TOP1: variants seen among roughly 807,000 people sequenced by gnomAD.
TOP1 encodes the protein DNA topoisomerase I, also known as DNA topoisomerase 1.
In TOP1, 10 loss-of-function variants were observed where a neutral mutation model predicts 111.1. The ratio of observed to expected loss-of-function variants is 0.09; its 90% CI spans 0.06 to 0.15. The LOEUF (loss-of-function observed/expected upper bound fraction) is 0.15. Among genes scored for constraint, TOP1 ranks in the 10% least tolerant of loss-of-function variants. TOP1 has a pLI of 1.00. For synonymous variants in TOP1, 271 were observed against 302.9 expected, an observed-to-expected ratio of 0.89 and a Z score of 1.10; for missense variants, 474 against 926.7, an observed-to-expected ratio of 0.51 and a Z score of 6.34.
In TOP1 at chr20:41,110,068, C is replaced by A. The variant is rs2145961230; in HGVS notation, c.1309-2714C>A. Among the ~76,000 whole-genome samples, 1 of 152,310 alleles carries A rather than the reference C, an allele frequency of 6.6e-6. No individual in the cohort carries two copies. Among genetic ancestry groups the A allele is most frequent in the Non-Finnish European group, 1.5e-5 (1 of 68,028 alleles). On this transcript the variant is annotated intron_variant, in intron 13 of 20. Transcript: ENST00000361337. The surrounding 1 kb of genome is among the most constrained non-coding windows in gnomAD (Gnocchi z 4.2). The stretch of plus-strand genomic sequence containing the variant: ...CTGGGAGGCCAAGGCGGGTGGATCA[C>A]TTCAGGTCAGGAGTTCGAGACCAGC...
rs890715590 is a variant in TOP1, at chr20:41,032,956, T to A, written c.58+3501T>A. On this transcript the variant is annotated intron_variant, in intron 2 of 20. Transcript: ENST00000361337. This position sits in a 1 kb window ranked among gnomAD's most constrained non-coding sequence, Gnocchi z 4.3. Reference sequence around the variant, plus strand: ...ATCCTCAGACTCAATCAGGAAATACTTAAGCATTATGCTCCAGGGTGGTTT... The same window carrying A: ...ATCCTCAGACTCAATCAGGAAATACATAAGCATTATGCTCCAGGGTGGTTT... Among the ~76,000 whole-genome samples the A allele has an allele frequency of 6.6e-6, 1 of 152,262 alleles. No homozygotes were observed. Among genetic ancestry groups the A allele is most frequent in the African/African-American group, 2.4e-5 (1 of 41,480 alleles).
intron 3 of TOP1, chr20:41,072,784 A>C (rs1275196511): frequency 4.1e-5 from 40 of 985,332 alleles, no homozygotes; most frequent in Non-Finnish European, 4.8e-5. Context: ...CTATAAACCC[A>C]AATTTCTAAC....
At chr20:41,089,034 T>C in intron 8 of TOP1, among the ~76,000 whole-genome samples, 1 of 132,406 alleles carries the variant, frequency 7.6e-6, no homozygotes, top group South Asian at 2.6e-4. Flanking sequence ...TTTTTTTTTT[T>C]TTTTTTTTGA....
intron 9 of TOP1, among the ~76,000 whole-genome samples, chr20:41,093,030 CA>C (rs1472502271): frequency 1.3e-5 from 2 of 152,216 alleles, no homozygotes; most frequent in Non-Finnish European, 2.9e-5. Flanking sequence ...AATAGTCTGC[CA>C]TCCATCTCTA....
At chr20:41,041,437 CAAAAAA>C (rs780663951) in intron 2 of TOP1, among the ~76,000 whole-genome samples, 27 of 89,010 alleles carry the variant, frequency 3.0e-4, no homozygotes, top group Admixed American at 8.7e-4. Context: ...GACCCTGTCT[CAAAAAA>C]AAAAAAAAAA....
chr20:41,029,186 C>A lies in TOP1; in HGVS notation c.33+86C>A. ...GCGCAGGCCCCGACCCCAGCCCCGG[C>A]CCGGCAGCTTTGACAGGCCGGAGCC... On this transcript the variant is annotated intron_variant, in intron 1 of 20. Transcript: ENST00000361337. The surrounding 1 kb of genome is among the most constrained non-coding windows in gnomAD (Gnocchi z 6.1). The A allele has an allele frequency of 8.9e-7, 1 of 1,129,938 alleles. No individual in the cohort carries two copies. Among genetic ancestry groups the A allele is most frequent in the Non-Finnish European group, 1.2e-6 (1 of 855,566 alleles). 70.0% of individuals were successfully genotyped at this position (1,129,938 alleles called of 1,614,324 possible).
chr20:41,087,057 T>G (rs1426826720), intron 8 of TOP1, among the ~76,000 whole-genome samples: 1 of 152,346 alleles, frequency 6.6e-6, no homozygotes, highest in East Asian at 1.9e-4. Context: ...GTACACACTT[T>G]ACAAGCTTGA....
intron 13 of TOP1, among the ~76,000 whole-genome samples, chr20:41,108,364 G>A (rs1568702012): frequency 6.6e-6 from 1 of 152,146 alleles, no homozygotes; most frequent in African/African-American, 2.4e-5. Flanking sequence ...AAAAATTAAA[G>A]GAATCATTCA....
Position 41,071,746 on chromosome 20 carries a change from C to T in TOP1, c.156-4425C>T, listed in dbSNP as rs2033671496. The stretch of plus-strand genomic sequence containing the variant: ...GGATCTTTCCATTTGTTCTCTTTAG[C>T]GCTGACTTTTGCTTTCTAGTCCCTG... On this transcript the variant is annotated intron_variant, in intron 3 of 20. Coordinates refer to ENST00000361337, the MANE Select transcript of TOP1 (RefSeq NM_003286.4). The surrounding 1 kb of genome is among the most constrained non-coding windows in gnomAD (Gnocchi z 4.3). Among the ~76,000 whole-genome samples the T allele has an allele frequency of 6.6e-6, 1 of 152,198 alleles. No individual in the cohort carries two copies. The highest frequency in any genetic ancestry group is 1.5e-5 in the Non-Finnish European group (1 of 68,036).
In TOP1 at chr20:41,098,277, G is replaced by A. The variant is rs2034010152; in HGVS notation, c.915G>A (p.Met305Ile). Reference sequence around the variant, plus strand: ...TAAGCAAATGTGATTTTACCCAGATGAGCCAGTATTTCAAAGCCCAGACGG... The same window carrying A: ...TAAGCAAATGTGATTTTACCCAGATAAGCCAGTATTTCAAAGCCCAGACGG... ...TNLSKCDFTQMSQYFKAQTEA... is the reference protein window; with the variant it reads ...TNLSKCDFTQISQYFKAQTEA... The change falls in exon 11 of 21, where the codon ATG becomes ATA. Residue 305 changes from methionine to isoleucine, a missense_variant. Physicochemically the swap from Met to Ile is conservative, Grantham distance 10. Transcript: ENST00000361337. This position sits in a 1 kb window ranked among gnomAD's most constrained non-coding sequence, Gnocchi z 5.7. 1 of 1,613,790 alleles carries A rather than the reference G, an allele frequency of 6.2e-7. No individual in the cohort carries two copies. The highest frequency in any genetic ancestry group is 1.3e-5 in the African/African-American group (1 of 74,906).
At chr20:41,033,347 C>CAA (rs34731706) in intron 2 of TOP1, among the ~76,000 whole-genome samples, 8 of 100,872 alleles carry the variant, frequency 7.9e-5, no homozygotes, top group Non-Finnish European at 1.0e-4. Flanking sequence ...CCAATAGCAG[C>CAA]AAAAAAAAAA....
rs890735559 is a variant in TOP1 at position 41,114,641 on chromosome 20, T to C, written c.1638+486T>C. On this transcript the variant is annotated intron_variant, in intron 15 of 20. Coordinates refer to ENST00000361337, the MANE Select transcript of TOP1 (RefSeq NM_003286.4). This position sits in a 1 kb window ranked among gnomAD's most constrained non-coding sequence, Gnocchi z 4.5. Reference sequence around the variant, plus strand: ...ACTATATCTTAGTATCCCCTGGTCATGTGGTACATTTGTCACTTTTCATCT... The same window carrying C: ...ACTATATCTTAGTATCCCCTGGTCACGTGGTACATTTGTCACTTTTCATCT... 7.2e-5 allele frequency among the ~76,000 whole-genome samples: 11 copies of C among 152,214 alleles called. No homozygotes were observed. Among genetic ancestry groups the C allele is most frequent in the African/African-American group, 1.4e-4 (6 of 41,458 alleles).
At chr20:41,117,320 G>A (rs558658881) in intron 17 of TOP1, among the ~76,000 whole-genome samples, 44 of 151,616 alleles carry the variant, frequency 2.9e-4, no homozygotes, top group Non-Finnish European at 5.9e-4. Flanking sequence ...GGGTGACAGG[G>A]TGAGACGCTA....
chr20:41,090,264 C>A (rs1406625626), intron 8 of TOP1, among the ~76,000 whole-genome samples: 2 of 152,160 alleles, frequency 1.3e-5, no homozygotes, highest in African/African-American at 2.4e-5. Flanking sequence ...CAGGCGTGAG[C>A]CACTGCGCCC....
intron 2 of TOP1, among the ~76,000 whole-genome samples, chr20:41,059,408 G>C (rs910267394): frequency 3.7e-5 from 4 of 107,574 alleles, no homozygotes; most frequent in African/African-American, 1.5e-4. Flanking sequence ...AAAACTGCTA[G>C]AAAATAAATA....
chr20:41,071,987 T>G lies in TOP1; in HGVS notation c.156-4184T>G, dbSNP rs960834172. On this transcript the variant is annotated intron_variant, in intron 3 of 20. Coordinates refer to ENST00000361337, the MANE Select transcript of TOP1 (RefSeq NM_003286.4). This position sits in a 1 kb window ranked among gnomAD's most constrained non-coding sequence, Gnocchi z 4.3. Reference sequence around the variant, plus strand: ...AGCATATCCCAGACTAAACTTACTCTTAAAATATGTTTGTCCAACCTTTGG... The same window carrying G: ...AGCATATCCCAGACTAAACTTACTCGTAAAATATGTTTGTCCAACCTTTGG... Among the ~76,000 whole-genome samples the G allele has an allele frequency of 6.6e-6, 1 of 152,248 alleles. No individual in the cohort carries two copies. The highest frequency in any genetic ancestry group is 2.4e-5 in the African/African-American group (1 of 41,468).
Position 41,085,081 on chromosome 20 carries a change from T to TA in TOP1, c.614+529dup, listed in dbSNP as rs11477287. Among the ~76,000 whole-genome samples, 245 of 142,328 alleles carry TA rather than the reference T, an allele frequency of 1.7e-3. 2 individuals are homozygous for TA. Among genetic ancestry groups the TA allele is most frequent in the East Asian group, 7.5e-3 (37 of 4,952 alleles). 93.4% of individuals were successfully genotyped at this position (142,328 alleles called of 152,430 possible). A position where few individuals can be genotyped will look rare whatever the true frequency, so the allele number is the denominator to read the frequency against. On this transcript the variant is annotated intron_variant, in intron 8 of 20. Coordinates refer to ENST00000361337, the MANE Select transcript of TOP1 (RefSeq NM_003286.4). ...GGCAGGTGGACACCTTCATGCCATT[T>TA]AAAAAAAAAAAAAAAACTCAAGGCA...
intron 3 of TOP1, among the ~76,000 whole-genome samples, chr20:41,070,513 G>A (rs1389034389): frequency 1.3e-5 from 2 of 152,162 alleles, no homozygotes; most frequent in African/African-American, 2.4e-5. Context: ...CAGAAGCTGC[G>A]CTCTTTTCCC....
chr20:41,089,017 G>GTTTTTTTTTTTTTTTTTTT (rs1290740653), intron 8 of TOP1, among the ~76,000 whole-genome samples: 2 of 69,272 alleles, frequency 2.9e-5, no homozygotes, highest in East Asian at 7.6e-4. Context: ...TGTTGCCCCA[G>GTTTTTTTTTTTTTTTTTTT]TTCTTTTTTT....
Sources: gnomAD v4.1 joint callset for allele counts (sites outside exome capture counted in the v4.1 genomes callset) on GRCh38, gnomAD v4.1.1 for gene constraint, Gnocchi (gnomAD v3.1) non-coding constraint, MANE v1.5 for transcripts, NCBI Gene and HGNC (gene_info 2026-07-23, HGNC 2026-07-21) for gene names.